The following ZSCAN25 variants were observed in gnomAD, a reference collection of about 807,000 sequenced individuals.
ZSCAN25 encodes zinc finger and SCAN domain-containing protein 25.
In ZSCAN25, 27 loss-of-function variants were observed where a neutral mutation model predicts 38.7. The ratio of observed to expected loss-of-function variants is 0.70; its 90% CI spans 0.51 to 0.96. The LOEUF (loss-of-function observed/expected upper bound fraction) is 0.96, where lower values mean the gene tolerates loss of function less well. ZSCAN25 is among the 40% of genes least tolerant of loss of function. ZSCAN25 has a pLI of 0.00. For synonymous variants in ZSCAN25, 273 were observed against 277.7 expected (o/e 0.98, Z 0.17); for missense variants, 637 against 705.9 (o/e 0.90, Z 1.11).
chr7:99,640,215 A>G, the ZSCAN25 span, among the ~76,000 whole-genome samples: 10 of 152,076 alleles, frequency 6.6e-5, no homozygotes, highest in African/African-American at 2.4e-4. Context: ...CTGGAGTGCA[A>G]TGGTGCGATC....
chr7:99,631,700 CGTG>C lies in ZSCAN25; in HGVS notation c.*1683_*1685del. Reference sequence around the variant, plus strand: ...CTGTATTACTCAGCCCACTTTGAAACGTGGTTTTATCACCTGTTCTTGTTAGGC... The same window carrying C: ...CTGTATTACTCAGCCCACTTTGAAACGTTTTATCACCTGTTCTTGTTAGGC... On this transcript the variant is annotated 3_prime_UTR_variant, in exon 8 of 8. Transcript: ENST00000394152. 2.0e-6 allele frequency: 2 copies of C among 985,130 alleles called. No homozygotes were observed. Among genetic ancestry groups the C allele is most frequent in the Non-Finnish European group, 2.4e-6 (2 of 829,898 alleles). 61.0% of individuals were successfully genotyped at this position (985,130 alleles called of 1,614,324 possible).
the ZSCAN25 span, among the ~76,000 whole-genome samples, chr7:99,682,501 A>T: frequency 6.6e-6 from 1 of 152,236 alleles, no homozygotes. Context: ...TTTTTATACA[A>T]GTACCATACT....
At position 99,619,599 on chromosome 7, in the gene ZSCAN25, G is replaced by A. The variant is rs201005679; in HGVS notation, c.-8G>A. On this transcript the variant is annotated 5_prime_UTR_variant, in exon 4 of 8. Coordinates refer to ENST00000394152, the MANE Select transcript of ZSCAN25 (RefSeq NM_145115.3). The stretch of plus-strand genomic sequence containing the variant: ...GTCATTCTCAGTCTCCTCGGAGGGA[G>A]TCTGAAGATGCTTAAAGAGCATCCA... The A allele has an allele frequency of 1.9e-5, 31 of 1,608,228 alleles. No homozygotes were observed. In the East Asian group the frequency reaches 6.5e-4, roughly 34 times the overall value.
rs187267360 is a variant in ZSCAN25 at position 99,629,154 on chromosome 7, A to G, written c.806-37A>G. On this transcript the variant is annotated intron_variant, in intron 7 of 7. Coordinates refer to ENST00000394152, the MANE Select transcript of ZSCAN25 (RefSeq NM_145115.3). The surrounding 1 kb of genome is among the most constrained non-coding windows in gnomAD (Gnocchi z 5.6). ...TCTAACATGTAAATGTCCTGCGGCT[A>G]CCACAGAATCAATCTTTATCTCCTC... 147 of 1,551,478 alleles carry G rather than the reference A, an allele frequency of 9.5e-5. 1 individual carries two copies. In the African/African-American group the frequency reaches 1.8e-3, roughly 19 times the overall value.
the ZSCAN25 span, among the ~76,000 whole-genome samples, chr7:99,721,604 GGT>G: frequency 1.3e-5 from 2 of 152,176 alleles, no homozygotes; most frequent in Non-Finnish European, 2.9e-5. Flanking sequence ...GGAGAAAAGT[GGT>G]AACCACAATG....
chr7:99,638,351 C>G, the ZSCAN25 span: 4 of 1,603,722 alleles, frequency 2.5e-6, no homozygotes, highest in Admixed American at 3.3e-5. Flanking sequence ...AGGTCAGGCC[C>G]AGTTTCTCCT....
At chr7:99,671,803 A>G in the ZSCAN25 span, 2 of 702,916 alleles carry the variant, frequency 2.8e-6, no homozygotes, top group Non-Finnish European at 5.2e-6. Flanking sequence ...CCATGTTGTG[A>G]CTGTAGGACA....
chr7:99,695,433 T>G, the ZSCAN25 span, among the ~76,000 whole-genome samples: 1 of 152,174 alleles, frequency 6.6e-6, no homozygotes, highest in Non-Finnish European at 1.5e-5. Context: ...TGACTGTACC[T>G]TCCTGGGAAC....
the ZSCAN25 span, among the ~76,000 whole-genome samples, chr7:99,706,605 T>G: frequency 6.6e-6 from 1 of 152,238 alleles, no homozygotes; most frequent in Non-Finnish European, 1.5e-5. Flanking sequence ...CTTTAACTTC[T>G]TCAGAGAAAA....
chr7:99,643,760 G>A, the ZSCAN25 span, among the ~76,000 whole-genome samples: 1 of 151,728 alleles, frequency 6.6e-6, no homozygotes, highest in Non-Finnish European at 1.5e-5. Flanking sequence ...GATCGTGTAG[G>A]CTTGCATTGC....
chr7:99,627,639 C>T (rs1584363552), intron 7 of ZSCAN25, among the ~76,000 whole-genome samples: 2 of 150,210 alleles, frequency 1.3e-5, no homozygotes, highest in East Asian at 3.9e-4. Context: ...ACAATGTGTT[C>T]CCGTTGGTAT....
the ZSCAN25 span, chr7:99,676,054 G>T: frequency 6.8e-7 from 1 of 1,461,258 alleles, no homozygotes; most frequent in Non-Finnish European, 9.6e-7. Flanking sequence ...CATTTTTACT[G>T]ATGGAACTAA....
chr7:99,663,511 C>T, the ZSCAN25 span: 1 of 991,244 alleles, frequency 1.0e-6, no homozygotes, highest in East Asian at 1.1e-4. Context: ...GAAACACTCA[C>T]ATTTACCACA....
the ZSCAN25 span, among the ~76,000 whole-genome samples, chr7:99,642,705 C>T: frequency 6.6e-6 from 1 of 152,192 alleles, no homozygotes; most frequent in African/African-American, 2.4e-5. Context: ...TTCTTTGTAG[C>T]CCTTACCATT....
chr7:99,666,679 A>G, the ZSCAN25 span: 1 of 1,613,964 alleles, frequency 6.2e-7, no homozygotes, highest in Non-Finnish European at 8.5e-7. Context: ...CTGGGCAATG[A>G]TGGGGAACAT....
At chr7:99,683,394 CTTG>C in the ZSCAN25 span, among the ~76,000 whole-genome samples, 1 of 152,166 alleles carries the variant, frequency 6.6e-6, no homozygotes, top group African/African-American at 2.4e-5. Context: ...ATCTTGTCCT[CTTG>C]TTATCTTTTT....
Position 99,631,333 on chromosome 7 carries a change from A to G in ZSCAN25, c.*1313A>G. 2.0e-6 allele frequency: 2 copies of G among 985,290 alleles called. No individual in the cohort carries two copies. Among genetic ancestry groups the G allele is most frequent in the Non-Finnish European group, 2.4e-6 (2 of 829,868 alleles). The allele number at this position is 985,290 out of a possible 1,614,324, so 61.0% of individuals were successfully genotyped here. On this transcript the variant is annotated 3_prime_UTR_variant, in exon 8 of 8. Coordinates refer to ENST00000394152, the MANE Select transcript of ZSCAN25 (RefSeq NM_145115.3). ...TTGCATGAGTGCCAAGTCAGGAAAA[A>G]TAAAGATATTTGTAGGCATTAAAAA...
the ZSCAN25 span, among the ~76,000 whole-genome samples, chr7:99,684,550 A>G: frequency 6.6e-6 from 1 of 152,340 alleles, no homozygotes; most frequent in Admixed American, 6.5e-5. Flanking sequence ...TATGTTAATA[A>G]TCACATTGGA....
At chr7:99,640,663 C>T in the ZSCAN25 span, among the ~76,000 whole-genome samples, 7 of 152,176 alleles carry the variant, frequency 4.6e-5, no homozygotes, top group Non-Finnish European at 1.0e-4. Flanking sequence ...TCCTGTCCTG[C>T]CTGTTTTCTG....
Sources: gnomAD v4.1 joint callset for allele counts (sites outside exome capture counted in the v4.1 genomes callset) on GRCh38, gnomAD v4.1.1 for gene constraint, Gnocchi (gnomAD v3.1) non-coding constraint, MANE v1.5 for transcripts, NCBI Gene and HGNC (gene_info 2026-07-23, HGNC 2026-07-21) for gene names.